Variants in LPAR1 observed in about 807,000 individuals in gnomAD.
LPAR1 encodes LPA receptor 1.
In LPAR1, 5 loss-of-function variants were observed where a neutral mutation model predicts 23.8. That is an observed-to-expected ratio of 0.21 (90% CI 0.11 to 0.44). LPAR1 has a LOEUF of 0.44. Among genes scored for constraint, LPAR1 ranks in the 20% least tolerant of loss-of-function variants. The pLI is 0.99. For missense variants in LPAR1, 311 were observed against 482.8 expected, an observed-to-expected ratio of 0.64 and a Z score of 3.33; for synonymous variants, 160 against 164.7, an observed-to-expected ratio of 0.97 and a Z score of 0.22.
chr9:110,999,407 C>G (rs1223318502), intron 2 of LPAR1: 4 of 455,992 alleles, frequency 8.8e-6, no homozygotes, highest in South Asian at 4.6e-5. Context: ...TTTTCCAGAA[C>G]ACTGGAATGA....
intron 5 of LPAR1, among the ~76,000 whole-genome samples, chr9:110,888,732 G>A (rs1405680412): frequency 6.6e-6 from 1 of 152,176 alleles, no homozygotes; most frequent in African/African-American, 2.4e-5. Flanking sequence ...AACTCACGCA[G>A]TAAATCAGAC....
At chr9:111,001,404 A>T (rs1047689044) in intron 2 of LPAR1, among the ~76,000 whole-genome samples, 1 of 152,214 alleles carries the variant, frequency 6.6e-6, no homozygotes, top group South Asian at 2.1e-4. Flanking sequence ...TAATGAAGGT[A>T]ATGTGACAAT....
chr9:111,014,893 T>G (rs1461586698), intron 2 of LPAR1, among the ~76,000 whole-genome samples: 1 of 151,948 alleles, frequency 6.6e-6, no homozygotes, highest in African/African-American at 2.4e-5. Flanking sequence ...GAAATTCATA[T>G]GTTGAGGTCC....
At chr9:110,927,820 T>A (rs1178635907) in intron 5 of LPAR1, among the ~76,000 whole-genome samples, 1 of 152,144 alleles carries the variant, frequency 6.6e-6, no homozygotes, top group Non-Finnish European at 1.5e-5. Context: ...ATCTTTGACA[T>A]ACACAAAGAT....
rs976181 is a variant in LPAR1 at position 111,023,512 on chromosome 9, G to T, written c.-182+12610C>A. ...TATCATGCAGAGTATTTATACATTTGGATGTTTTTTTTTTTGGTTCATATG... is the reference window on the plus strand; with the variant it reads ...TATCATGCAGAGTATTTATACATTTTGATGTTTTTTTTTTTGGTTCATATG... On this transcript the variant is annotated intron_variant, in intron 2 of 5. Transcript: ENST00000683809. Among the ~76,000 whole-genome samples, 5 of 151,652 alleles carry T rather than the reference G, an allele frequency of 3.3e-5. No homozygotes were observed. The East Asian group carries it at 5.8e-4, about 18-fold the overall frequency.
At chr9:110,884,723 T>C (rs2081891852) in intron 5 of LPAR1, among the ~76,000 whole-genome samples, 1 of 152,334 alleles carries the variant, frequency 6.6e-6, no homozygotes, top group East Asian at 1.9e-4. Flanking sequence ...GCTTGGCCCT[T>C]GATTGGCAAT....
intron 5 of LPAR1, among the ~76,000 whole-genome samples, chr9:110,896,128 A>T (rs143967857): frequency 6.6e-6 from 1 of 152,220 alleles, no homozygotes; most frequent in Non-Finnish European, 1.5e-5. Flanking sequence ...TGCTCCATTT[A>T]ATCCAGGTAT....
chr9:111,029,953 G>C (rs1165770010), intron 2 of LPAR1, among the ~76,000 whole-genome samples: 1 of 151,036 alleles, frequency 6.6e-6, no homozygotes, highest in Non-Finnish European at 1.5e-5. Context: ...TACTTGGAAG[G>C]CTGAGGCAAG....
At chr9:110,918,714 TA>T (rs1386226246) in intron 5 of LPAR1, among the ~76,000 whole-genome samples, 3 of 152,166 alleles carry the variant, frequency 2.0e-5, no homozygotes, top group Non-Finnish European at 4.4e-5. Context: ...TAGCCAAAAT[TA>T]AAGAAAACTT....
At chr9:110,977,813 AGGG>A (rs2096584730) in intron 2 of LPAR1, among the ~76,000 whole-genome samples, 1 of 93,512 alleles carries the variant, frequency 1.1e-5, no homozygotes, top group Non-Finnish European at 2.3e-5. Context: ...GGAAGGAGGG[AGGG>A]AGGGCGGGAG....
At chr9:110,935,778 T>C (rs2094666635) in intron 5 of LPAR1, among the ~76,000 whole-genome samples, 1 of 152,230 alleles carries the variant, frequency 6.6e-6, no homozygotes, top group Non-Finnish European at 1.5e-5. Flanking sequence ...GTTTGGATGA[T>C]ACATTATGTG....
chr9:110,916,363 A>G lies in LPAR1; in HGVS notation c.793+25058T>C, dbSNP rs1415526224. 2.6e-5 allele frequency among the ~76,000 whole-genome samples: 4 copies of G among 152,206 alleles called. No individual in the cohort carries two copies. In the East Asian group the frequency reaches 7.7e-4, roughly 29 times the overall value. The stretch of plus-strand genomic sequence containing the variant: ...CCAGAGGCCTTTGTTCTTAGCCACT[A>G]TGCTATATTGGCACAAGAAAAAAAT... On this transcript the variant is annotated intron_variant, in intron 5 of 5. Transcript: ENST00000683809.
chr9:111,037,530 T>C (rs1304815162), intron 1 of LPAR1, among the ~76,000 whole-genome samples: 1 of 152,202 alleles, frequency 6.6e-6, no homozygotes, highest in Non-Finnish European at 1.5e-5. Context: ...TTCAAAACCA[T>C]CAACTTTCAA....
intron 5 of LPAR1, among the ~76,000 whole-genome samples, chr9:110,929,848 T>C (rs935711035): frequency 6.6e-6 from 1 of 152,198 alleles, no homozygotes; most frequent in Non-Finnish European, 1.5e-5. Flanking sequence ...ATTATTTTTA[T>C]TGGCTAAATT....
intron 5 of LPAR1, among the ~76,000 whole-genome samples, chr9:110,927,347 A>G (rs1264160997): frequency 1.3e-5 from 2 of 152,052 alleles, no homozygotes; most frequent in African/African-American, 4.8e-5. Flanking sequence ...TCATTATCCA[A>G]TATGATCCTC....
intron 2 of LPAR1, among the ~76,000 whole-genome samples, chr9:111,033,925 T>G (rs1417471292): frequency 1.3e-5 from 2 of 152,152 alleles, no homozygotes; most frequent in Admixed American, 6.5e-5. Context: ...GACATCCAAG[T>G]CAGTTCCACC....
chr9:110,993,096 T>C (rs2096927998), intron 2 of LPAR1, among the ~76,000 whole-genome samples: 2 of 152,192 alleles, frequency 1.3e-5, no homozygotes, highest in South Asian at 4.1e-4. Context: ...AACTCTGGCA[T>C]ACAAGAAAAT....
At chr9:110,944,377 C>T (rs895285526) in intron 4 of LPAR1, among the ~76,000 whole-genome samples, 4 of 152,156 alleles carry the variant, frequency 2.6e-5, no homozygotes, top group Non-Finnish European at 5.9e-5. Flanking sequence ...ATATTGATTT[C>T]CTTAATAAAT....
At chr9:110,985,712 A>G (rs2096767242) in intron 2 of LPAR1, among the ~76,000 whole-genome samples, 1 of 152,124 alleles carries the variant, frequency 6.6e-6, no homozygotes, top group African/African-American at 2.4e-5. Context: ...GACACTTACC[A>G]AAATAACCAA....
Sources: gnomAD v4.1 joint callset for allele counts (sites outside exome capture counted in the v4.1 genomes callset) on GRCh38, gnomAD v4.1.1 for gene constraint, MANE v1.5 for transcripts, NCBI Gene and HGNC (gene_info 2026-07-23, HGNC 2026-07-21) for gene names.